Variants in TFDP2 observed in about 807,000 individuals in gnomAD.
The protein encoded by TFDP2 is transcription factor Dp-2.
Under a neutral mutation model 59.3 loss-of-function variants are expected in TFDP2, and 17 were observed. The ratio of observed to expected loss-of-function variants is 0.29; its 90% CI spans 0.20 to 0.43. The LOEUF (loss-of-function observed/expected upper bound fraction) is 0.43. Among genes scored for constraint, TFDP2 ranks in the 20% least tolerant of loss-of-function variants. The pLI, the probability that TFDP2 is intolerant of heterozygous loss-of-function variation, is 1.00. For synonymous variants in TFDP2, 180 were observed against 194.7 expected (o/e 0.92, Z 0.63); for missense variants, 391 against 528.8 (o/e 0.74, Z 2.56).
At position 142,052,808 on chromosome 3, in the gene TFDP2, T is replaced by C. The variant is rs552790848; in HGVS notation, c.82+40253A>G. Among the ~76,000 whole-genome samples the C allele has an allele frequency of 3.2e-4, 48 of 151,916 alleles. 1 individual carries two copies. The highest frequency in any genetic ancestry group is 6.0e-4 in the Non-Finnish European group (41 of 67,980). On this transcript the variant is annotated intron_variant, in intron 3 of 12. Transcript: ENST00000489671. Reference sequence around the variant, plus strand: ...CCCTGCCTGGCTTAGATTTCCCTTTTCTTTTTTTTCTTTTTTTTTGAGATG... The same window carrying C: ...CCCTGCCTGGCTTAGATTTCCCTTTCCTTTTTTTTCTTTTTTTTTGAGATG...
Position 142,071,591 on chromosome 3 carries a change from G to A in TFDP2, c.82+21470C>T, listed in dbSNP as rs573970494. On this transcript the variant is annotated intron_variant, in intron 3 of 12. Transcript: ENST00000489671. ...AGTATGCAGCTACAGTACAGAGAAT[G>A]AAACAGAAAATCAGCTGCAGTAATC... 4.4e-3 allele frequency among the ~76,000 whole-genome samples: 670 copies of A among 152,322 alleles called. 2 individuals carry two copies. The highest frequency in any genetic ancestry group is 7.9e-3 in the Non-Finnish European group (537 of 68,034).
intron 3 of TFDP2, among the ~76,000 whole-genome samples, chr3:142,076,909 T>C (rs898487972): frequency 4.6e-5 from 7 of 152,198 alleles, no homozygotes; most frequent in Non-Finnish European, 8.8e-5. Flanking sequence ...TCATAATACC[T>C]GGTTTTAACT....
chr3:142,075,303 T>A (rs1030575550), intron 3 of TFDP2, among the ~76,000 whole-genome samples: 1 of 152,306 alleles, frequency 6.6e-6, no homozygotes, highest in African/African-American at 2.4e-5. Flanking sequence ...GCAAATGATA[T>A]ATCTGAAAAG....
chr3:142,016,357 G>T (rs1237712803), intron 3 of TFDP2, among the ~76,000 whole-genome samples: 2 of 149,312 alleles, frequency 1.3e-5, no homozygotes, highest in African/African-American at 5.0e-5. Context: ...AGAGTGCAGT[G>T]GTGCGATCTC....
chr3:142,125,500 A>G (rs2062202466), intron 1 of TFDP2, among the ~76,000 whole-genome samples: 2 of 152,198 alleles, frequency 1.3e-5, no homozygotes, highest in Admixed American at 6.5e-5. Flanking sequence ...ATACACACAC[A>G]CGCACACACA....
At chr3:142,017,558 T>G (rs867801342) in intron 3 of TFDP2, among the ~76,000 whole-genome samples, 1,830 of 145,420 alleles carry the variant, frequency 0.013, 40 homozygotes, top group African/African-American at 0.045. Context: ...CTTTTTTTTT[T>G]TTTTTTTTTT....
intron 9 of TFDP2, among the ~76,000 whole-genome samples, chr3:141,969,003 T>TATATATATATAACATATATCTC (rs1559940925): frequency 1.2e-5 from 1 of 86,762 alleles, no homozygotes; most frequent in Admixed American, 1.3e-4. Flanking sequence ...ATATATCTCA[T>TATATATATATAACATATATCTC]ATATATAGAT....
Position 142,111,829 on chromosome 3 carries a change from G to T in TFDP2, c.-92-9988C>A, listed in dbSNP as rs554030592. On this transcript the variant is annotated intron_variant, in intron 1 of 12. Coordinates refer to ENST00000489671, the MANE Select transcript of TFDP2 (RefSeq NM_001178139.2). ...GCCTGTAATCCCAGCACTTTGGGGG[G>T]CTGAGGCAGGAAGATCACTTGCGCT... Among the ~76,000 whole-genome samples, 6 of 152,316 alleles carry T rather than the reference G, an allele frequency of 3.9e-5. 1 individual carries two copies. The highest frequency in any genetic ancestry group is 1.4e-4 in the African/African-American group (6 of 41,572).
Position 141,969,046 on chromosome 3 carries a change from A to ATGT in TFDP2, c.732+1026_732+1027insACA, listed in dbSNP as rs1213928044. 2.2e-5 allele frequency among the ~76,000 whole-genome samples: 2 copies of ATGT among 90,282 alleles called. 1 individual carries two copies. Among genetic ancestry groups the ATGT allele is most frequent in the Non-Finnish European group, 4.2e-5 (2 of 47,642 alleles). The allele number at this position is 90,282 out of a possible 152,430, so 59.2% of individuals were successfully genotyped here. On this transcript the variant is annotated intron_variant, in intron 9 of 12. Coordinates refer to ENST00000489671, the MANE Select transcript of TFDP2 (RefSeq NM_001178139.2). ...TAACATATATCTCATATATAGATAT[A>ATGT]TATATAACATATATATCTCATATAT...
intron 1 of TFDP2, among the ~76,000 whole-genome samples, chr3:142,114,220 C>T (rs925810952): frequency 6.6e-6 from 1 of 151,526 alleles, no homozygotes; most frequent in African/African-American, 2.4e-5. Flanking sequence ...ATTGAGTCAG[C>T]TTAAGTAACT....
intron 7 of TFDP2, 152 bp downstream of exon 7, chr3:141,978,368 C>T (rs1271036256): frequency 2.5e-6 from 2 of 805,050 alleles, no homozygotes; most frequent in African/African-American, 3.6e-5. Flanking sequence ...AAGGAATTCC[C>T]TCCAAAATAA....
intron 3 of TFDP2, among the ~76,000 whole-genome samples, chr3:142,025,944 AC>A (rs1946048616): frequency 6.6e-6 from 1 of 152,212 alleles, no homozygotes; most frequent in Non-Finnish European, 1.5e-5. Flanking sequence ...AGCCTGGGCA[AC>A]AAGAGCGAAA....
At chr3:142,010,048 G>GAAA (rs1199643714) in intron 3 of TFDP2, among the ~76,000 whole-genome samples, 3 of 152,108 alleles carry the variant, frequency 2.0e-5, no homozygotes, top group African/African-American at 7.2e-5. Flanking sequence ...TATCTTAAGT[G>GAAA]AAAAGACTGA....
intron 3 of TFDP2, among the ~76,000 whole-genome samples, chr3:142,031,473 C>G (rs768085516): frequency 6.6e-6 from 1 of 152,184 alleles, no homozygotes; most frequent in African/African-American, 2.4e-5. Context: ...CCCCTTCAAT[C>G]TGCTCTGATG....
chr3:141,976,833 T>C lies in TFDP2; in HGVS notation c.519+1687A>G, dbSNP rs539716663. ...ATGAAAAGAAAAAGAAAATCACATA[T>C]AATGGCTCCCAAGGAAAATCTCAAT... is the stretch of plus-strand genomic sequence containing the variant. On this transcript the variant is annotated intron_variant, in intron 7 of 12. Transcript: ENST00000489671. 3.3e-5 allele frequency among the ~76,000 whole-genome samples: 5 copies of C among 149,842 alleles called. No individual in the cohort carries two copies. The South Asian group carries it at 8.5e-4, about 25-fold the overall frequency.
At chr3:142,117,345 G>C (rs73872578) in intron 1 of TFDP2, among the ~76,000 whole-genome samples, 6,600 of 151,220 alleles carry the variant, frequency 0.044, 495 homozygotes, top group African/African-American at 0.15. Context: ...ACCCACAAAG[G>C]ATCTAGGCCA....
chr3:142,010,967 T>C (rs1426800118), intron 3 of TFDP2, among the ~76,000 whole-genome samples: 9 of 108,776 alleles, frequency 8.3e-5, no homozygotes, highest in African/African-American at 2.4e-4. Flanking sequence ...TGTGGAGAAA[T>C]AGGAACACTT....
intron 1 of TFDP2, among the ~76,000 whole-genome samples, chr3:142,110,325 G>A (rs746191514): frequency 1.4e-4 from 21 of 152,008 alleles, no homozygotes; most frequent in Non-Finnish European, 2.8e-4. Flanking sequence ...TCAACACGAT[G>A]AAACCCTGTC....
chr3:141,961,608 A>T (rs1272660536), intron 10 of TFDP2, among the ~76,000 whole-genome samples: 1 of 152,150 alleles, frequency 6.6e-6, no homozygotes, highest in African/African-American at 2.4e-5. Context: ...AAGAATTTGC[A>T]AGTGTGTGGA....
Sources: gnomAD v4.1 joint callset for allele counts (sites outside exome capture counted in the v4.1 genomes callset) on GRCh38, gnomAD v4.1.1 for gene constraint, MANE v1.5 for transcripts, NCBI Gene and HGNC (gene_info 2026-07-23, HGNC 2026-07-21) for gene names.